The following NKAIN3 variants were observed in gnomAD, a reference collection of about 807,000 sequenced individuals.
The protein encoded by NKAIN3 is sodium/potassium transporting ATPase interacting 3.
A neutral mutation model predicts 30.2 loss-of-function variants in NKAIN3; 25 were observed. The observed-to-expected ratio is 0.83, with a 90% confidence interval of 0.60 to 1.16. The LOEUF (loss-of-function observed/expected upper bound fraction) is 1.16. Ranked by LOEUF, NKAIN3 falls within the 50% of genes most tolerant of loss-of-function variation. NKAIN3 has a pLI of 0.00. For synonymous variants in NKAIN3, 91 were observed against 89.6 expected (o/e 1.02, Z -0.09); for missense variants, 225 against 254.1 (o/e 0.89, Z 0.78).
intron 4 of NKAIN3, among the ~76,000 whole-genome samples, chr8:62,910,671 G>T (rs1306828653): frequency 1.3e-5 from 2 of 151,694 alleles, no homozygotes; most frequent in African/African-American, 4.8e-5. Context: ...ATACTTTCCA[G>T]TCCTCTTACA....
intron 1 of NKAIN3, among the ~76,000 whole-genome samples, chr8:62,444,202 G>A (rs2129598426): frequency 6.6e-6 from 1 of 152,074 alleles, no homozygotes; most frequent in East Asian, 1.9e-4. Context: ...CAGGGTAATT[G>A]AGATATCCAT....
chr8:62,284,674 G>A (rs1813314595), intron 1 of NKAIN3, among the ~76,000 whole-genome samples: 1 of 152,046 alleles, frequency 6.6e-6, no homozygotes, highest in South Asian at 2.1e-4. Context: ...ACTGTGTGGT[G>A]CTTAGTTTCA....
intron 1 of NKAIN3, among the ~76,000 whole-genome samples, chr8:62,434,812 A>G (rs1326259187): frequency 6.6e-6 from 1 of 152,192 alleles, no homozygotes; most frequent in African/African-American, 2.4e-5. Flanking sequence ...ACCTCTCCTG[A>G]AAATTAACTA....
chr8:62,337,370 C>T (rs1815591895), intron 1 of NKAIN3, among the ~76,000 whole-genome samples: 2 of 151,998 alleles, frequency 1.3e-5, no homozygotes, highest in Admixed American at 1.3e-4. Flanking sequence ...AGACATTTCT[C>T]TACCTTCGAG....
intron 1 of NKAIN3, among the ~76,000 whole-genome samples, chr8:62,320,622 A>T (rs970484686): frequency 6.6e-6 from 1 of 152,096 alleles, no homozygotes. Context: ...GAAATTCTGG[A>T]TTGAAAATTC....
chr8:62,504,339 C>A (rs1454030579), intron 1 of NKAIN3, among the ~76,000 whole-genome samples: 2 of 152,212 alleles, frequency 1.3e-5, no homozygotes, highest in African/African-American at 2.4e-5. Context: ...ATATCTGAAA[C>A]AAAACCTAGC....
intron 1 of NKAIN3, among the ~76,000 whole-genome samples, chr8:62,361,641 G>A (rs966264382): frequency 7.2e-5 from 11 of 152,164 alleles, no homozygotes; most frequent in African/African-American, 1.9e-4. Flanking sequence ...CTATGATTTT[G>A]TTAAACGAAA....
At chr8:62,929,273 G>A (rs1237729998) in intron 5 of NKAIN3, among the ~76,000 whole-genome samples, 2 of 152,184 alleles carry the variant, frequency 1.3e-5, no homozygotes, top group South Asian at 4.1e-4. Flanking sequence ...CCCAGAGACT[G>A]CATTGTAAAT....
At chr8:62,595,382 CT>C (rs1181598520) in intron 3 of NKAIN3, among the ~76,000 whole-genome samples, 38 of 109,928 alleles carry the variant, frequency 3.5e-4, no homozygotes, top group South Asian at 1.3e-3. Flanking sequence ...GGGCTATTTT[CT>C]TTTTTTTTTT....
chr8:62,488,103 G>C (rs567563345), intron 1 of NKAIN3, among the ~76,000 whole-genome samples: 13 of 152,174 alleles, frequency 8.5e-5, no homozygotes, highest in African/African-American at 3.1e-4. Flanking sequence ...GTTTTATAAA[G>C]TTGGAGATCA....
intron 1 of NKAIN3, among the ~76,000 whole-genome samples, chr8:62,475,861 T>C (rs565862857): frequency 1.3e-5 from 2 of 151,970 alleles, no homozygotes; most frequent in African/African-American, 4.8e-5. Context: ...CAGTGGAGAG[T>C]AGTGGTTAAG....
At chr8:62,803,141 T>C (rs192358933) in intron 4 of NKAIN3, among the ~76,000 whole-genome samples, 2 of 152,118 alleles carry the variant, frequency 1.3e-5, no homozygotes, top group East Asian at 1.9e-4. Context: ...ACAAAGAGAC[T>C]TAGACTCCCA....
intron 1 of NKAIN3, among the ~76,000 whole-genome samples, chr8:62,436,400 A>G (rs1268469288): frequency 6.6e-6 from 1 of 152,166 alleles, no homozygotes; most frequent in Non-Finnish European, 1.5e-5. Context: ...TCTAAACTCT[A>G]CAGACATCTT....
At chr8:62,529,323 C>A (rs1377968188) in intron 1 of NKAIN3, among the ~76,000 whole-genome samples, 1 of 152,206 alleles carries the variant, frequency 6.6e-6, no homozygotes, top group Admixed American at 6.5e-5. Flanking sequence ...ACAAATCTCA[C>A]TGACACATTG....
chr8:62,548,286 A>C (rs1004078788), intron 1 of NKAIN3, among the ~76,000 whole-genome samples: 1 of 152,238 alleles, frequency 6.6e-6, no homozygotes, highest in Non-Finnish European at 1.5e-5. Context: ...TGTTTGAAAC[A>C]TACTTAACAT....
At chr8:62,904,275 T>C (rs1216272373) in intron 4 of NKAIN3, among the ~76,000 whole-genome samples, 3 of 152,206 alleles carry the variant, frequency 2.0e-5, no homozygotes, top group African/African-American at 7.2e-5. Context: ...TATCATATTA[T>C]TTCTCTCTCC....
chr8:62,436,493 G>T (rs1805177962), intron 1 of NKAIN3, among the ~76,000 whole-genome samples: 1 of 152,096 alleles, frequency 6.6e-6, no homozygotes, highest in Non-Finnish European at 1.5e-5. Context: ...AGTTTAAGTG[G>T]TTATAAAACA....
intron 4 of NKAIN3, among the ~76,000 whole-genome samples, chr8:62,802,448 G>C (rs1038396488): frequency 3.3e-5 from 5 of 152,238 alleles, no homozygotes; most frequent in Non-Finnish European, 7.3e-5. Flanking sequence ...AGCCAGAAGA[G>C]AGTGGGGGCC....
chr8:62,932,140 C>A (rs887149311), intron 5 of NKAIN3, among the ~76,000 whole-genome samples: 2 of 152,046 alleles, frequency 1.3e-5, no homozygotes, highest in African/African-American at 4.8e-5. Flanking sequence ...TTTTTTAGTC[C>A]TTAAAATATT....
Sources: gnomAD v4.1 joint callset for allele counts (sites outside exome capture counted in the v4.1 genomes callset) on GRCh38, gnomAD v4.1.1 for gene constraint, MANE v1.5 for transcripts, NCBI Gene and HGNC (gene_info 2026-07-23, HGNC 2026-07-21) for gene names.